Variants in MYO1E observed in about 807,000 individuals in gnomAD.
MYO1E encodes the protein unconventional myosin-Ie.
In MYO1E, 68 loss-of-function variants were observed where a neutral mutation model predicts 151.1. The ratio of observed to expected loss-of-function variants is 0.45; its 90% confidence interval spans 0.37 to 0.55. The LOEUF is 0.55. Among genes scored for constraint, MYO1E ranks in the 20% least tolerant of loss-of-function variants. MYO1E has a pLI of 0.00. For missense variants in MYO1E, 1,363 were observed against 1,389.3 expected, an observed-to-expected ratio of 0.98 and a Z score of 0.30; for synonymous variants, 601 against 501.7, an observed-to-expected ratio of 1.20 and a Z score of -2.64.
intron 1 of MYO1E, among the ~76,000 whole-genome samples, chr15:59,283,179 A>G (rs1465167052): frequency 6.6e-6 from 1 of 151,650 alleles, no homozygotes; most frequent in Non-Finnish European, 1.5e-5. Flanking sequence ...TGCAAATCTT[A>G]GCGAGGCTTC....
At chr15:59,231,867 G>T in intron 5 of MYO1E, 76 bp from the exon 6 acceptor site, 1 of 1,501,126 alleles carries the variant, frequency 6.7e-7, no homozygotes, top group Non-Finnish European at 9.3e-7. Flanking sequence ...TTTCTCTAAG[G>T]ACCTGGTTTC....
At chr15:59,357,142 G>A (rs2080858559) in intron 1 of MYO1E, among the ~76,000 whole-genome samples, 2 of 152,032 alleles carry the variant, frequency 1.3e-5, no homozygotes, top group Non-Finnish European at 2.9e-5. Flanking sequence ...CTGACCTCAG[G>A]TGATCCACCC....
At chr15:59,195,738 G>A (rs531407303) in intron 16 of MYO1E, among the ~76,000 whole-genome samples, 171 bp from the exon 17 acceptor site, 5 of 152,264 alleles carry the variant, frequency 3.3e-5, no homozygotes, top group Middle Eastern at 3.4e-3. Flanking sequence ...AAGCTTTGCC[G>A]ACTTTTATGA....
At chr15:59,260,844 A>T (rs2080220416) in intron 3 of MYO1E, among the ~76,000 whole-genome samples, 1 of 152,148 alleles carries the variant, frequency 6.6e-6, no homozygotes, top group Non-Finnish European at 1.5e-5. Flanking sequence ...CCTAAGCTGT[A>T]GGTCCTACAT....
intron 1 of MYO1E, among the ~76,000 whole-genome samples, chr15:59,274,114 C>T (rs886162726): frequency 2.0e-5 from 3 of 151,932 alleles, no homozygotes; most frequent in African/African-American, 7.2e-5. Flanking sequence ...CTAAGAAGCT[C>T]TGGGAAAAGC....
Position 59,174,122 on chromosome 15 carries a change from A to T in MYO1E, c.2164+4T>A. 3 of 1,610,626 alleles carry T rather than the reference A, an allele frequency of 1.9e-6. No homozygotes were observed. Among genetic ancestry groups the T allele is most frequent in the Non-Finnish European group, 2.5e-6 (3 of 1,176,856 alleles). ...AAATCAATGAAACAAAATTGCTAAA[A>T]TACCTTCTTCTCTCATTTGAACGTA... On this transcript the variant is annotated splice_donor_region_variant and intron_variant, in intron 20 of 27. Transcript: ENST00000288235.
chr15:59,261,468 C>T lies in MYO1E; in HGVS notation c.189G>A (p.Lys63=), dbSNP rs369511429. ...GSVLISVNPF[K]QMPYFGEKEI... ...CCTTTTCCCCAAAATATGGCATCTG[C>T]TTGAAAGGGTTGACTGAGATTAATA... The change falls in exon 3 of 28, where the codon AAG becomes AAA. Residue 63 remains lysine (K), a synonymous_variant. Transcript: ENST00000288235. 25 of 1,611,314 alleles carry T rather than the reference C, an allele frequency of 1.6e-5. No homozygotes were observed. Among genetic ancestry groups the T allele is most frequent in the East Asian group, 1.1e-4 (5 of 44,784 alleles).
intron 26 of MYO1E, among the ~76,000 whole-genome samples, chr15:59,139,354 C>T (rs191250073): frequency 2.2e-4 from 30 of 133,670 alleles, no homozygotes; most frequent in Non-Finnish European, 1.4e-4. Flanking sequence ...TTACTCCTCA[C>T]ACTTACCTCC....
rs148146322 is a variant in MYO1E, at chr15:59,210,460, C to T, written c.1362+54G>A. On this transcript the variant is annotated intron_variant, in intron 13 of 27. Coordinates refer to ENST00000288235, the MANE Select transcript of MYO1E (RefSeq NM_004998.4). ...AAAACAATGACACAGAGAATAAAAA[C>T]TCACTTAATGTAAACCTGTGAGCAG... 1.1e-4 allele frequency: 134 copies of T among 1,232,796 alleles called. No homozygotes were observed. In the African/African-American group the frequency reaches 1.8e-3, roughly 17 times the overall value. The allele number at this position is 1,232,796 out of a possible 1,614,324, so 76.4% of individuals were successfully genotyped here.
chr15:59,221,252 C>G (rs1394467583), intron 9 of MYO1E, among the ~76,000 whole-genome samples: 1 of 151,906 alleles, frequency 6.6e-6, no homozygotes, highest in African/African-American at 2.4e-5. Context: ...CTCAGGTGAT[C>G]ACCTGCCTCA....
At chr15:59,142,161 A>C (rs1320390283) in intron 26 of MYO1E, among the ~76,000 whole-genome samples, 1 of 152,096 alleles carries the variant, frequency 6.6e-6, no homozygotes, top group South Asian at 2.1e-4. Flanking sequence ...AGAGGCATCT[A>C]TCCATATTTT....
rs999144874 is a variant in MYO1E, at chr15:59,224,891, C to A, written c.643-68G>T. 2.6e-5 allele frequency: 41 copies of A among 1,601,062 alleles called. No individual in the cohort carries two copies. The Middle Eastern group carries it at 5.4e-4, about 21-fold the overall frequency. On this transcript the variant is annotated intron_variant, in intron 7 of 27. Transcript: ENST00000288235. Reference sequence around the variant, plus strand: ...AGGCACCCGAAGTCACTCCTGCATCCTGCAGCCACCATCCCTAAGGACTTT... The same window carrying A: ...AGGCACCCGAAGTCACTCCTGCATCATGCAGCCACCATCCCTAAGGACTTT...
intron 10 of MYO1E, among the ~76,000 whole-genome samples, chr15:59,216,691 T>TACAC (rs199582846): frequency 0.076 from 4,252 of 56,302 alleles, 211 homozygotes; most frequent in Non-Finnish European, 0.085. Flanking sequence ...TATATACACA[T>TACAC]ACACACACAC....
At chr15:59,369,565 T>C (rs529980062) in intron 1 of MYO1E, among the ~76,000 whole-genome samples, 18 of 152,186 alleles carry the variant, frequency 1.2e-4, no homozygotes, top group Admixed American at 2.6e-4. Context: ...TCAACAGAGA[T>C]TTTTTTGTAC....
chr15:59,365,751 G>A (rs1225947474), intron 1 of MYO1E, among the ~76,000 whole-genome samples: 2 of 152,206 alleles, frequency 1.3e-5, no homozygotes, highest in Non-Finnish European at 2.9e-5. Context: ...ACCCAAGAGA[G>A]TGTGCCTCCT....
At chr15:59,329,550 A>G (rs1366679660) in intron 1 of MYO1E, among the ~76,000 whole-genome samples, 7 of 152,224 alleles carry the variant, frequency 4.6e-5, no homozygotes, top group African/African-American at 1.7e-4. Flanking sequence ...GAATACTCTA[A>G]AGAACATTCT....
In MYO1E at chr15:59,348,469, C is replaced by T. The variant is rs543422291; in HGVS notation, c.3+24029G>A. Among the ~76,000 whole-genome samples the T allele has an allele frequency of 2.0e-5, 3 of 152,262 alleles. No individual in the cohort carries two copies. The South Asian group carries it at 6.2e-4, about 32-fold the overall frequency. ...TCTCAACCTAGGCTGCTTTTAGGAA[C>T]CATCCAGGAAGCTTTGAAAAGTAAT... On this transcript the variant is annotated intron_variant, in intron 1 of 27. Transcript: ENST00000288235.
rs766799781 is a variant in MYO1E, at chr15:59,227,529, T to C, written c.572A>G (p.Asn191Ser). Reference sequence around the variant, plus strand: ...CACCCTAGATTTTTCCAGAAGGAAGTTGGAGATCTTTCCACCATCTGGTTC... The same window carrying C: ...CACCCTAGATTTTTCCAGAAGGAAGCTGGAGATCTTTCCACCATCTGGTTC... Reference protein sequence around the residue: ...GGEPDGGKISNFLLEKSRVVM... With the variant: ...GGEPDGGKISSFLLEKSRVVM... Residue 191 changes from asparagine to serine, a missense_variant, in exon 7 of 28, where the codon AAC becomes AGC. By Grantham distance (46) the Asn-to-Ser change is conservative. Coordinates refer to ENST00000288235, the MANE Select transcript of MYO1E (RefSeq NM_004998.4). 12 of 1,614,038 alleles carry C rather than the reference T, an allele frequency of 7.4e-6. No homozygotes were observed. The South Asian group carries it at 9.9e-5, about 13-fold the overall frequency.
At chr15:59,208,139 T>G (rs2079852798) in intron 14 of MYO1E, 1 of 1,452,724 alleles carries the variant, frequency 6.9e-7, no homozygotes, top group Non-Finnish European at 9.2e-7. Context: ...AGATACAGGA[T>G]TATATAACGA....
Sources: allele counts gnomAD v4.1 joint callset (sites outside exome capture counted in the v4.1 genomes callset), GRCh38; gene constraint gnomAD v4.1.1; transcripts MANE v1.5; gene names NCBI Gene and HGNC (gene_info 2026-07-23, HGNC 2026-07-21).